SLC30A7: variants seen among roughly 807,000 people sequenced by gnomAD.
SLC30A7 encodes the protein solute carrier family 30 member 7, also known as zinc transporter 7.
Under a neutral mutation model 46.0 loss-of-function variants are expected in SLC30A7, and 35 were observed. The ratio of observed to expected loss-of-function variants is 0.76; its 90% CI spans 0.58 to 1.01. The LOEUF (loss-of-function observed/expected upper bound fraction) is 1.01. Ranked by LOEUF, SLC30A7 falls within the 50% of genes least tolerant of loss-of-function variation. SLC30A7 has a pLI of 0.00. For synonymous variants in SLC30A7, 147 were observed against 157.8 expected, an observed-to-expected ratio of 0.93 and a Z score of 0.51; for missense variants, 464 against 451.1, an observed-to-expected ratio of 1.03 and a Z score of -0.26.
At position 100,912,543 on chromosome 1, in the gene SLC30A7, G is replaced by A. The variant is rs142278704; in HGVS notation, c.511+305G>A. Among the ~76,000 whole-genome samples, 36 of 152,132 alleles carry A rather than the reference G, an allele frequency of 2.4e-4. No individual in the cohort carries two copies. The East Asian group carries it at 6.9e-3, about 29-fold the overall frequency. On this transcript the variant is annotated intron_variant, in intron 5 of 10. Coordinates refer to ENST00000357650, the MANE Select transcript of SLC30A7 (RefSeq NM_133496.5). ...CTACTTATCAGAAAGTTTTGTGTGG[G>A]CTGGGCACAGTGGCTTACACCTATA...
chr1:100,933,040 A>G (rs973945452), intron 8 of SLC30A7, among the ~76,000 whole-genome samples: 1 of 150,906 alleles, frequency 6.6e-6, no homozygotes, highest in East Asian at 1.9e-4. Context: ...CTGTGGCGCA[A>G]TCTCGGCTCA....
downstream of SLC30A7, among the ~76,000 whole-genome samples, chr1:100,983,406 C>CAAAA (rs1320059834): frequency 6.7e-5 from 9 of 135,004 alleles, no homozygotes; most frequent in Non-Finnish European, 9.6e-5. Flanking sequence ...CAAAACAAAA[C>CAAAA]AAAAAAAACT....
At chr1:100,908,262 ACACT>A (rs1384414096) in intron 3 of SLC30A7, among the ~76,000 whole-genome samples, 3 of 152,080 alleles carry the variant, frequency 2.0e-5, no homozygotes, top group African/African-American at 4.8e-5. Context: ...TAGCAGGCAC[ACACT>A]CTTTCTTTCA....
the SLC30A7 span, among the ~76,000 whole-genome samples, chr1:100,993,559 A>AATATATATATATATAT: frequency 8.1e-3 from 457 of 56,346 alleles, 30 homozygotes; most frequent in Non-Finnish European, 0.01. Flanking sequence ...CGAAAATATA[A>AATATATATATATATAT]ATATATATAT....
At chr1:100,902,205 T>G (rs1651351197) in intron 2 of SLC30A7, among the ~76,000 whole-genome samples, 1 of 152,188 alleles carries the variant, frequency 6.6e-6, no homozygotes. Flanking sequence ...CATAATGTTC[T>G]TCCATCTCAG....
rs1656738344 is a variant in SLC30A7 at position 100,979,008 on chromosome 1, A to AT, written c.*4152dup. ...TATAAACCAGGCTAATTCACAGGTC[A>AT]TACCATTTCATTCTTGTCGTGTTGG... On this transcript the variant is annotated 3_prime_UTR_variant, in exon 11 of 11. Transcript: ENST00000357650. 1 of 152,142 alleles carries AT rather than the reference A, an allele frequency of 6.6e-6. No homozygotes were observed. The highest frequency in any genetic ancestry group is 2.4e-5 in the African/African-American group (1 of 41,440). The allele number at this position is 152,142 out of a possible 1,614,324, so 9.4% of individuals were successfully genotyped here. A position where few individuals can be genotyped will look rare whatever the true frequency, so the allele number is the denominator to read the frequency against.
rs755591708 is a variant in SLC30A7, at chr1:100,912,256, C to CTTTGT, written c.511+21_511+25dup. 1 of 1,602,116 alleles carries CTTTGT rather than the reference C, an allele frequency of 6.2e-7. No individual in the cohort carries two copies. The highest frequency in any genetic ancestry group is 1.1e-5 in the South Asian group (1 of 88,522). On this transcript the variant is annotated intron_variant, in intron 5 of 10. Transcript: ENST00000357650. ...TGGCTCTGGTATGATGGTTAGGACA[C>CTTTGT]TTTGTTTCTTCATTTTCTACTAGGT...
Position 100,928,152 on chromosome 1 carries a change from T to C in SLC30A7, c.842+6311T>C, listed in dbSNP as rs115840316. Reference sequence around the variant, plus strand: ...ACTGAAGGGGGGCAATCAGGAATTGTAACCCTGGTAATCAAGATGGGTAGA... The same window carrying C: ...ACTGAAGGGGGGCAATCAGGAATTGCAACCCTGGTAATCAAGATGGGTAGA... On this transcript the variant is annotated intron_variant, in intron 8 of 10. Transcript: ENST00000357650. 9.3e-3 allele frequency among the ~76,000 whole-genome samples: 1,418 copies of C among 152,314 alleles called. 11 individuals are homozygous for C. The highest frequency in any genetic ancestry group is 0.015 in the Non-Finnish European group (1,054 of 68,006).
rs186162252 is a variant in SLC30A7 at position 100,909,280 on chromosome 1, A to G, written c.297-1783A>G. ...TGCTGTAGCTGACTGACTCTGCAAT[A>G]GAAGAAAGAGTTGGGGAATATGAGA... On this transcript the variant is annotated intron_variant, in intron 3 of 10. Coordinates refer to ENST00000357650, the MANE Select transcript of SLC30A7 (RefSeq NM_133496.5). Among the ~76,000 whole-genome samples, 12 of 152,246 alleles carry G rather than the reference A, an allele frequency of 7.9e-5. No individual in the cohort carries two copies. The East Asian group carries it at 2.1e-3, about 27-fold the overall frequency.
At chr1:100,899,444 T>C (rs1212664813) in intron 2 of SLC30A7, among the ~76,000 whole-genome samples, 2 of 152,230 alleles carry the variant, frequency 1.3e-5, no homozygotes, top group African/African-American at 4.8e-5. Flanking sequence ...TTATTTTTCA[T>C]TTACTAATTT....
intron 9 of SLC30A7, among the ~76,000 whole-genome samples, chr1:100,962,572 G>T (rs1357270435): frequency 6.6e-6 from 1 of 152,190 alleles, no homozygotes; most frequent in East Asian, 1.9e-4. Context: ...GGCCATTGTG[G>T]CTGGAGCATA....
chr1:100,932,676 C>T (rs537623834), intron 8 of SLC30A7, among the ~76,000 whole-genome samples: 102 of 152,140 alleles, frequency 6.7e-4, no homozygotes, highest in African/African-American at 2.4e-3. Context: ...TTTAAGGAAA[C>T]TTACTGGGAG....
chr1:100,933,100 C>G (rs1032556651), intron 8 of SLC30A7, among the ~76,000 whole-genome samples: 1 of 151,926 alleles, frequency 6.6e-6, no homozygotes, highest in Non-Finnish European at 1.5e-5. Flanking sequence ...CTCAGCCTCC[C>G]GAGTAGCTGG....
chr1:100,985,537 T>C (rs1331147602), downstream of SLC30A7, among the ~76,000 whole-genome samples: 1 of 152,160 alleles, frequency 6.6e-6, no homozygotes, highest in Non-Finnish European at 1.5e-5. Context: ...GCTAAAGTAA[T>C]TAAGACAGCA....
chr1:100,993,272 G>C, the SLC30A7 span, among the ~76,000 whole-genome samples: 694 of 152,116 alleles, frequency 4.6e-3, 5 homozygotes, highest in African/African-American at 0.016. Context: ...GCCATTGCAG[G>C]CCAGGCGTGG....
At chr1:100,924,967 A>T (rs1416592392) in intron 8 of SLC30A7, among the ~76,000 whole-genome samples, 1 of 152,258 alleles carries the variant, frequency 6.6e-6, no homozygotes, top group Non-Finnish European at 1.5e-5. Context: ...CACTGTCTTG[A>T]TCCTATAATA....
intron 10 of SLC30A7, among the ~76,000 whole-genome samples, chr1:100,972,816 G>T (rs192625161): frequency 7.2e-4 from 109 of 152,082 alleles, no homozygotes; most frequent in African/African-American, 2.6e-3. Context: ...ATATAGCAAG[G>T]ATTTATTGAA....
At chr1:100,989,647 T>A in the SLC30A7 span, 2 of 152,234 alleles carry the variant, frequency 1.3e-5, no homozygotes, top group Admixed American at 6.5e-5. Flanking sequence ...ACTAATCTTT[T>A]ATTTGCTTTT....
At chr1:100,974,365 G>A (rs2101103845) in intron 10 of SLC30A7, among the ~76,000 whole-genome samples, 1 of 152,316 alleles carries the variant, frequency 6.6e-6, no homozygotes, top group South Asian at 2.1e-4. Context: ...TGAGTAGCAA[G>A]TTCATATCCA....
Sources: gnomAD v4.1 joint callset for allele counts (sites outside exome capture counted in the v4.1 genomes callset) on GRCh38, gnomAD v4.1.1 for gene constraint, MANE v1.5 for transcripts, NCBI Gene and HGNC (gene_info 2026-07-23, HGNC 2026-07-21) for gene names.